The following GLIS3 variants were observed in gnomAD, a reference collection of about 807,000 sequenced individuals.
The protein encoded by GLIS3 is zinc finger protein GLIS3.
GLIS3 carries 53 observed loss-of-function variants against 78.6 expected under a neutral mutation model. The ratio of observed to expected loss-of-function variants is 0.67; its 90% confidence interval spans 0.54 to 0.85. GLIS3 has a LOEUF of 0.85. Ranked by LOEUF, GLIS3 falls within the 40% of genes least tolerant of loss-of-function variation. The pLI, the probability that GLIS3 is intolerant of heterozygous loss-of-function variation, is 0.00. For synonymous variants in GLIS3, 684 were observed against 509.9 expected (o/e 1.34, Z -4.60); for missense variants, 1,703 against 1,231.1 (o/e 1.38, Z -5.74).
chr9:4,105,012 T>A (rs181495866), intron 4 of GLIS3, among the ~76,000 whole-genome samples: 21 of 152,324 alleles, frequency 1.4e-4, no homozygotes, highest in Admixed American at 1.2e-3. Flanking sequence ...CACCTATAAT[T>A]AGATGAACAA....
chr9:3,824,631 T>C lies in GLIS3; in HGVS notation c.*3641A>G, dbSNP rs952519785. 5 of 152,584 alleles carry C rather than the reference T, an allele frequency of 3.3e-5. No homozygotes were observed. Among genetic ancestry groups the C allele is most frequent in the East Asian group, 3.8e-4 (2 of 5,196 alleles). 9.5% of individuals were successfully genotyped at this position (152,584 alleles called of 1,614,324 possible). A position where few individuals can be genotyped will look rare whatever the true frequency, so the allele number is the denominator to read the frequency against. ...AACTATACATATTAATAGAAAAAAGTGTACCTAATTCTTTAAAAGATTTAT... is the reference window on the plus strand; with the variant it reads ...AACTATACATATTAATAGAAAAAAGCGTACCTAATTCTTTAAAAGATTTAT... On this transcript the variant is annotated 3_prime_UTR_variant, in exon 11 of 11. Coordinates refer to ENST00000381971, the MANE Select transcript of GLIS3 (RefSeq NM_001042413.2).
intron 4 of GLIS3, among the ~76,000 whole-genome samples, chr9:3,948,893 A>G (rs951094013): frequency 6.6e-6 from 1 of 152,198 alleles, no homozygotes; most frequent in East Asian, 1.9e-4. Flanking sequence ...ATTCTCAATA[A>G]ATGTTACCCA....
intron 9 of GLIS3, among the ~76,000 whole-genome samples, chr9:3,852,149 GAA>G (rs527265564): frequency 7.6e-6 from 1 of 131,370 alleles, no homozygotes; most frequent in Non-Finnish European, 1.7e-5. Flanking sequence ...CGTTCCAAAA[GAA>G]AAAAAAAAAA....
intron 4 of GLIS3, among the ~76,000 whole-genome samples, chr9:4,077,054 G>C (rs1828132307): frequency 6.6e-6 from 1 of 151,844 alleles, no homozygotes; most frequent in African/African-American, 2.4e-5. Context: ...CCAAGACCTT[G>C]TCTAAAAAAA....
In GLIS3 at chr9:3,827,808, C is replaced by G; in HGVS notation, c.*464G>C. 8.4e-6 allele frequency: 2 copies of G among 237,048 alleles called. No individual in the cohort carries two copies. The highest frequency in any genetic ancestry group is 1.7e-5 in the Non-Finnish European group (2 of 119,644). The allele number at this position is 237,048 out of a possible 1,614,324, so 14.7% of individuals were successfully genotyped here. ...CACACTATGCTTTGGACATGGATTT[C>G]CCTTGTTGTGCCTGGCTTTGCATCA... On this transcript the variant is annotated 3_prime_UTR_variant, in exon 11 of 11. Transcript: ENST00000381971.
At chr9:4,390,721 T>C in the GLIS3 span, among the ~76,000 whole-genome samples, 2 of 152,276 alleles carry the variant, frequency 1.3e-5, no homozygotes, top group South Asian at 2.1e-4. Flanking sequence ...CCCCACCCAG[T>C]AGTCCACTGT....
chr9:4,082,491 G>A (rs1406598026), intron 4 of GLIS3, among the ~76,000 whole-genome samples: 2 of 152,146 alleles, frequency 1.3e-5, no homozygotes, highest in Admixed American at 1.3e-4. Context: ...AGGTCTTGAG[G>A]GAGAAGAAAA....
At chr9:4,472,213 T>G in the GLIS3 span, among the ~76,000 whole-genome samples, 1 of 152,170 alleles carries the variant, frequency 6.6e-6, no homozygotes, top group African/African-American at 2.4e-5. Flanking sequence ...TCCTCAAGGA[T>G]CTAGAACTAG....
upstream of GLIS3, among the ~76,000 whole-genome samples, chr9:4,349,608 G>A (rs1482608279): frequency 2.0e-5 from 3 of 152,214 alleles, no homozygotes; most frequent in South Asian, 4.1e-4. Context: ...CTTAGGGAAG[G>A]AACTGAAGTA....
intron 2 of GLIS3, among the ~76,000 whole-genome samples, chr9:4,181,440 C>T (rs1307647854): frequency 2.0e-5 from 3 of 152,246 alleles, no homozygotes; most frequent in African/African-American, 7.2e-5. Context: ...GGCATCTAGT[C>T]TGCTACTGCC....
chr9:4,118,821 C>G lies in GLIS3; in HGVS notation c.657G>C (p.Ser219=), dbSNP rs545701878. The G allele has an allele frequency of 6.2e-7, 1 of 1,607,678 alleles. No individual in the cohort carries two copies. Among genetic ancestry groups the G allele is most frequent in the East Asian group, 2.2e-5 (1 of 44,860 alleles). Residue 219 remains serine (S), a synonymous_variant, in exon 4 of 11, where the codon TCG becomes TCC. Transcript: ENST00000381971. The surrounding 1 kb of genome is among the most constrained non-coding windows in gnomAD (Gnocchi z 4.7). Reference sequence around the variant, plus strand: ...ACCACTCCTGCTTCATGCTTGAGGCCGACTGACTTTCCGTCAGACTCAAGG... The same window carrying G: ...ACCACTCCTGCTTCATGCTTGAGGCGGACTGACTTTCCGTCAGACTCAAGG... ...STTLSLTESQ[S]ASSMKQEWSQ... is the part of the protein sequence containing the mutation.
At chr9:4,209,404 C>T (rs115492529) in intron 2 of GLIS3, among the ~76,000 whole-genome samples, 257 of 152,268 alleles carry the variant, frequency 1.7e-3, no homozygotes, top group African/African-American at 5.9e-3. Context: ...AGAAACTAAA[C>T]GTCTTGGAAT....
chr9:4,116,064 T>G (rs143517613), intron 4 of GLIS3, among the ~76,000 whole-genome samples: 1 of 152,380 alleles, frequency 6.6e-6, no homozygotes, highest in East Asian at 1.9e-4. Flanking sequence ...AAAAGTTATA[T>G]GTCTTTGCAA....
At chr9:4,140,078 G>A (rs949728858) in intron 2 of GLIS3, among the ~76,000 whole-genome samples, 6 of 152,220 alleles carry the variant, frequency 3.9e-5, no homozygotes, top group South Asian at 4.1e-4. Context: ...TTACATAGTC[G>A]TCATAGCCGC....
the GLIS3 span, among the ~76,000 whole-genome samples, chr9:4,449,832 T>G: frequency 2.0e-5 from 3 of 152,080 alleles, no homozygotes; most frequent in Non-Finnish European, 2.9e-5. Context: ...ACCAAAACCC[T>G]ATCTGTAGGT....
chr9:4,004,215 GA>G (rs1281928119), intron 4 of GLIS3, among the ~76,000 whole-genome samples: 1 of 152,114 alleles, frequency 6.6e-6, no homozygotes, highest in Non-Finnish European at 1.5e-5. Flanking sequence ...AAAATATGAG[GA>G]AAACAACTCC....
At chr9:4,196,926 C>T (rs1309379733) in intron 2 of GLIS3, among the ~76,000 whole-genome samples, 2 of 152,150 alleles carry the variant, frequency 1.3e-5, no homozygotes, top group Non-Finnish European at 2.9e-5. Flanking sequence ...TGCAGTAGGG[C>T]CCTCTCCGCT....
chr9:4,157,021 C>T (rs1400068363), intron 2 of GLIS3, among the ~76,000 whole-genome samples: 1 of 152,218 alleles, frequency 6.6e-6, no homozygotes, highest in East Asian at 1.9e-4. Context: ...AAGCACGGCT[C>T]TAACATCTGT....
chr9:4,318,447 C>T (rs1265080907), intron 2 of GLIS3, among the ~76,000 whole-genome samples: 3 of 151,924 alleles, frequency 2.0e-5, no homozygotes, highest in Admixed American at 2.0e-4. Flanking sequence ...CAAAGCGAGC[C>T]GTAAGCATCT....
Sources: gnomAD v4.1 joint callset for allele counts (sites outside exome capture counted in the v4.1 genomes callset) on GRCh38, gnomAD v4.1.1 for gene constraint, Gnocchi (gnomAD v3.1) non-coding constraint, MANE v1.5 for transcripts, NCBI Gene and HGNC (gene_info 2026-07-23, HGNC 2026-07-21) for gene names.